The following COMMD10 variants were observed in gnomAD, a reference collection of about 807,000 sequenced individuals.
COMMD10 encodes COMM domain-containing protein 10.
In COMMD10, 33 loss-of-function variants were observed where a neutral mutation model predicts 28.9. That is an observed-to-expected ratio of 1.14 (90% CI 0.87 to 1.53). The LOEUF (loss-of-function observed/expected upper bound fraction) is 1.53, where lower values mean the gene tolerates loss of function less well. Among genes scored for constraint, COMMD10 ranks in the 40% most tolerant of loss-of-function variants. The pLI, the probability that COMMD10 is intolerant of heterozygous loss-of-function variation, is 0.00. For missense variants in COMMD10, 310 were observed against 233.4 expected (o/e 1.33, Z -2.14); for synonymous variants, 110 against 81.7 (o/e 1.35, Z -1.87).
chr5:116,217,077 AAAT>A (rs1433940570), intron 5 of COMMD10, among the ~76,000 whole-genome samples: 4 of 152,070 alleles, frequency 2.6e-5, no homozygotes, highest in Non-Finnish European at 5.9e-5. Flanking sequence ...TATTTTTATA[AAAT>A]AATTTTTAAA....
chr5:116,242,679 CCTACTT>C (rs1365868756), intron 5 of COMMD10, among the ~76,000 whole-genome samples: 3 of 152,136 alleles, frequency 2.0e-5, no homozygotes, highest in Non-Finnish European at 4.4e-5. Flanking sequence ...TTCCAGCCCT[CCTACTT>C]CTGCTTCAGC....
At chr5:116,174,819 C>G (rs897382723) in intron 5 of COMMD10, among the ~76,000 whole-genome samples, 1 of 152,164 alleles carries the variant, frequency 6.6e-6, no homozygotes, top group Non-Finnish European at 1.5e-5. Flanking sequence ...TCAAAGCTAA[C>G]AGTTGTCCTT....
intron 6 of COMMD10, among the ~76,000 whole-genome samples, chr5:116,291,788 T>G (rs990630768): frequency 6.6e-6 from 1 of 152,122 alleles, no homozygotes; most frequent in African/African-American, 2.4e-5. Context: ...ATAGTTTTAA[T>G]TAAAGCAATA....
chr5:116,148,508 A>G (rs1365842964), intron 5 of COMMD10, among the ~76,000 whole-genome samples: 1 of 151,912 alleles, frequency 6.6e-6, no homozygotes, highest in African/African-American at 2.4e-5. Flanking sequence ...TAAATATCCC[A>G]GGATAACACC....
intron 4 of COMMD10, among the ~76,000 whole-genome samples, chr5:116,121,370 C>G (rs1751430007): frequency 6.6e-6 from 1 of 152,216 alleles, no homozygotes; most frequent in Non-Finnish European, 1.5e-5. Flanking sequence ...TTTTCAAAAT[C>G]CAGTCTATCA....
chr5:116,180,926 G>T (rs1747935461), intron 5 of COMMD10, among the ~76,000 whole-genome samples: 1 of 152,088 alleles, frequency 6.6e-6, no homozygotes, highest in African/African-American at 2.4e-5. Context: ...GCTGAGGCGG[G>T]CAGATTGCCT....
At chr5:116,231,771 A>C (rs1008488848) in intron 5 of COMMD10, among the ~76,000 whole-genome samples, 7 of 152,142 alleles carry the variant, frequency 4.6e-5, no homozygotes, top group Non-Finnish European at 1.0e-4. Context: ...TTGGCTACTT[A>C]AAAGTCTTTA....
intron 4 of COMMD10, among the ~76,000 whole-genome samples, chr5:116,093,187 A>G (rs1399540657): frequency 1.3e-5 from 2 of 152,178 alleles, no homozygotes; most frequent in African/African-American, 4.8e-5. Flanking sequence ...TTCTTCGGCT[A>G]GTGGTGTGGT....
intron 4 of COMMD10, among the ~76,000 whole-genome samples, chr5:116,129,982 A>C (rs546783049): frequency 6.6e-6 from 1 of 151,292 alleles, no homozygotes; most frequent in East Asian, 1.9e-4. Context: ...GCATGCACAA[A>C]CACATATGAG....
chr5:116,085,176 C>G, intron 1 of COMMD10, 83 bp downstream of exon 1: 1 of 1,057,434 alleles, frequency 9.5e-7, no homozygotes, highest in South Asian at 1.4e-5. Context: ...TTGCTGCCTG[C>G]CGCCTGGGCG....
chr5:116,088,726 T>C (rs542384203), intron 2 of COMMD10, among the ~76,000 whole-genome samples: 3 of 152,350 alleles, frequency 2.0e-5, no homozygotes, highest in African/African-American at 7.2e-5. Flanking sequence ...ACTGAGTAAC[T>C]TGTTCATCCT....
chr5:116,086,014 T>C (rs1417806681), intron 1 of COMMD10, among the ~76,000 whole-genome samples: 2 of 152,176 alleles, frequency 1.3e-5, no homozygotes, highest in African/African-American at 4.8e-5. Flanking sequence ...AAAATGAAAC[T>C]ACCCTCCACA....
chr5:116,234,847 A>G lies in COMMD10; in HGVS notation c.511-56670A>G, dbSNP rs937535922. Among the ~76,000 whole-genome samples the G allele has an allele frequency of 2.0e-5, 3 of 152,196 alleles. No homozygotes were observed. In the East Asian group the frequency reaches 5.8e-4, roughly 29 times the overall value. On this transcript the variant is annotated intron_variant, in intron 5 of 6. Coordinates refer to ENST00000274458, the MANE Select transcript of COMMD10 (RefSeq NM_016144.4). ...TTAAAGTATAATGGTGGCGGAGCAC[A>G]GGGAAGAGCTCACATGCAGCCGCAG...
chr5:116,287,652 T>A (rs573833367), intron 5 of COMMD10, among the ~76,000 whole-genome samples: 43 of 151,682 alleles, frequency 2.8e-4, no homozygotes, highest in Admixed American at 4.6e-4. Flanking sequence ...CCTCTCTCAT[T>A]GCCTTTCTTT....
rs76834306 is a variant in COMMD10 at position 116,266,169 on chromosome 5, G to T, written c.511-25348G>T. 9.5e-3 allele frequency among the ~76,000 whole-genome samples: 1,441 copies of T among 151,758 alleles called. 55 individuals are homozygous for T. Among genetic ancestry groups the T allele is most frequent in the African/African-American group, 0.033 (1,343 of 41,192 alleles). On this transcript the variant is annotated intron_variant, in intron 5 of 6. Transcript: ENST00000274458. Reference sequence around the variant, plus strand: ...AGGGGGCAATGAGAACAAAGGCATTGTTTTCAGGAAAATGCAGTGCCCAAA... The same window carrying T: ...AGGGGGCAATGAGAACAAAGGCATTTTTTTCAGGAAAATGCAGTGCCCAAA...
At chr5:116,176,755 T>C (rs1383370866) in intron 5 of COMMD10, among the ~76,000 whole-genome samples, 1 of 152,122 alleles carries the variant, frequency 6.6e-6, no homozygotes, top group Non-Finnish European at 1.5e-5. Context: ...CTTATGATTG[T>C]TGTCAGTATC....
intron 4 of COMMD10, among the ~76,000 whole-genome samples, chr5:116,098,772 A>G (rs914226943): frequency 1.3e-5 from 2 of 152,174 alleles, no homozygotes; most frequent in African/African-American, 4.8e-5. Flanking sequence ...TTAAAAAATC[A>G]AAAGGTGTTT....
At chr5:116,200,652 C>G (rs904502900) in intron 5 of COMMD10, among the ~76,000 whole-genome samples, 1 of 151,502 alleles carries the variant, frequency 6.6e-6, no homozygotes, top group Admixed American at 6.6e-5. Flanking sequence ...TTGAAGTTTT[C>G]TGTTGAGATA....
rs1307752159 is a variant in COMMD10, at chr5:116,253,664, A to T, written c.511-37853A>T. On this transcript the variant is annotated intron_variant, in intron 5 of 6. Coordinates refer to ENST00000274458, the MANE Select transcript of COMMD10 (RefSeq NM_016144.4). The stretch of plus-strand genomic sequence containing the variant: ...GATGAAGCCCACTTGATCATGGTGG[A>T]TAAGCTTTTTGATGTGCTGCTGGAT... Among the ~76,000 whole-genome samples the T allele has an allele frequency of 1.7e-3, 251 of 146,380 alleles. 1 individual carries two copies. Among genetic ancestry groups the T allele is most frequent in the African/African-American group, 5.8e-3 (220 of 38,236 alleles).
Sources: allele counts gnomAD v4.1 joint callset (sites outside exome capture counted in the v4.1 genomes callset), GRCh38; gene constraint gnomAD v4.1.1; transcripts MANE v1.5; gene names NCBI Gene and HGNC (gene_info 2026-07-23, HGNC 2026-07-21).